The following ADGRL3 variants were observed in gnomAD, a reference collection of about 807,000 sequenced individuals.
The protein encoded by ADGRL3 is adhesion G protein-coupled receptor L3.
In ADGRL3, 62 loss-of-function variants were observed where a neutral mutation model predicts 153.5. That is an observed-to-expected ratio of 0.40 (90% CI 0.33 to 0.50). The LOEUF (loss-of-function observed/expected upper bound fraction) is 0.50, where lower values mean the gene tolerates loss of function less well. ADGRL3 is among the 20% of genes least tolerant of loss of function. The pLI is 0.47. For missense variants in ADGRL3, 1,641 were observed against 1,859.4 expected (o/e 0.88, Z 2.16); for synonymous variants, 710 against 672.5 (o/e 1.06, Z -0.86).
rs899215052 is a variant in ADGRL3, at chr4:62,073,666, A to G, written c.*2758A>G. 10 of 152,102 alleles carry G rather than the reference A, an allele frequency of 6.6e-5. No homozygotes were observed. The highest frequency in any genetic ancestry group is 2.2e-4 in the African/African-American group (9 of 41,436). 9.4% of individuals were successfully genotyped at this position (152,102 alleles called of 1,614,324 possible). ...CCCTGCCCATTATTTTTGTGTTTCT[A>G]TATGGAAATTTGAAGCAGGTAGCTT... is the stretch of plus-strand genomic sequence containing the variant. On this transcript the variant is annotated 3_prime_UTR_variant, in exon 27 of 27. Coordinates refer to ENST00000683033, the MANE Select transcript of ADGRL3 (RefSeq NM_001387552.1).
chr4:61,281,198 AAG>A (rs2093710334), intron 1 of ADGRL3, among the ~76,000 whole-genome samples: 2 of 151,984 alleles, frequency 1.3e-5, no homozygotes, highest in Admixed American at 1.3e-4. Context: ...GTTTTTTTTT[AAG>A]AGAGTAGCCA....
At chr4:61,345,184 T>C (rs911348343) in intron 1 of ADGRL3, among the ~76,000 whole-genome samples, 2 of 152,088 alleles carry the variant, frequency 1.3e-5, no homozygotes, top group Non-Finnish European at 2.9e-5. Context: ...CCAATGTTAT[T>C]AGTTATGGAT....
intron 2 of ADGRL3, among the ~76,000 whole-genome samples, chr4:61,489,314 A>G (rs898643588): frequency 6.6e-6 from 1 of 151,808 alleles, no homozygotes; most frequent in Non-Finnish European, 1.5e-5. Flanking sequence ...CTCATGACCC[A>G]GACTTTTTGA....
At position 61,285,672 on chromosome 4, in the gene ADGRL3, C is replaced by A. The variant is rs1019082357; in HGVS notation, c.-240+83907C>A. Among the ~76,000 whole-genome samples, 3 of 151,692 alleles carry A rather than the reference C, an allele frequency of 2.0e-5. No homozygotes were observed. The South Asian group carries it at 6.2e-4, about 32-fold the overall frequency. On this transcript the variant is annotated intron_variant, in intron 1 of 26. Coordinates refer to ENST00000683033, the MANE Select transcript of ADGRL3 (RefSeq NM_001387552.1). ...TGTTTAGTTAGGGGTTTAAAGGAACCCAATTTTGAACCTGGCATTATCCTA... is the reference window on the plus strand; with the variant it reads ...TGTTTAGTTAGGGGTTTAAAGGAACACAATTTTGAACCTGGCATTATCCTA...
chr4:61,295,668 G>A (rs1199071649), intron 1 of ADGRL3, among the ~76,000 whole-genome samples: 1 of 151,876 alleles, frequency 6.6e-6, no homozygotes, highest in Non-Finnish European at 1.5e-5. Context: ...TAAAAAGTAA[G>A]AGCGGGCTGG....
chr4:62,043,326 T>C (rs1729390607), intron 24 of ADGRL3, among the ~76,000 whole-genome samples: 1 of 152,068 alleles, frequency 6.6e-6, no homozygotes. Context: ...TATTTTTAAT[T>C]AATTAATTAA....
At chr4:61,785,924 G>T (rs765876506) in intron 8 of ADGRL3, among the ~76,000 whole-genome samples, 12 of 152,180 alleles carry the variant, frequency 7.9e-5, no homozygotes, top group Non-Finnish European at 1.5e-4. Flanking sequence ...TGAAGCAGGA[G>T]AATCTCTTGA....
intron 2 of ADGRL3, among the ~76,000 whole-genome samples, chr4:61,485,479 A>C (rs972424657): frequency 6.6e-6 from 1 of 152,138 alleles, no homozygotes; most frequent in Admixed American, 6.6e-5. Context: ...AAATTTTTTA[A>C]AAATGTGAAT....
At chr4:61,236,008 CTTT>C (rs55932029) in intron 1 of ADGRL3, among the ~76,000 whole-genome samples, 1 of 95,852 alleles carries the variant, frequency 1.0e-5, no homozygotes, top group African/African-American at 4.1e-5. Context: ...CTTTTCTTTT[CTTT>C]TTTTTTTTTT....
intron 1 of ADGRL3, among the ~76,000 whole-genome samples, chr4:61,233,297 CTCTTT>C (rs1168068965): frequency 6.6e-6 from 1 of 152,112 alleles, no homozygotes; most frequent in East Asian, 1.9e-4. Context: ...TCTACAGTTA[CTCTTT>C]TCTTTTTTTA....
At chr4:62,060,877 A>G (rs895203304) in intron 25 of ADGRL3, among the ~76,000 whole-genome samples, 1 of 151,946 alleles carries the variant, frequency 6.6e-6, no homozygotes, top group African/African-American at 2.4e-5. Flanking sequence ...TTAGATGTAT[A>G]TGTTTTATAT....
chr4:62,026,394 A>G (rs888694573), intron 21 of ADGRL3, among the ~76,000 whole-genome samples: 1 of 151,988 alleles, frequency 6.6e-6, no homozygotes, highest in African/African-American at 2.4e-5. Context: ...TTGTGGCCAC[A>G]TCTCTGTGGA....
intron 2 of ADGRL3, among the ~76,000 whole-genome samples, chr4:61,458,869 A>G (rs554478541): frequency 6.6e-6 from 1 of 151,504 alleles, no homozygotes; most frequent in Admixed American, 6.6e-5. Flanking sequence ...TAGGATCTCA[A>G]ATTTTCAGTT....
intron 8 of ADGRL3, among the ~76,000 whole-genome samples, chr4:61,784,040 A>G (rs915704519): frequency 3.4e-4 from 52 of 152,106 alleles, no homozygotes; most frequent in African/African-American, 1.2e-3. Flanking sequence ...ATAAAGTAAT[A>G]TGTTTATTAA....
chr4:61,620,884 C>T (rs1249390898), intron 5 of ADGRL3, among the ~76,000 whole-genome samples: 1 of 151,960 alleles, frequency 6.6e-6, no homozygotes, highest in Non-Finnish European at 1.5e-5. Flanking sequence ...CGTGATCCAC[C>T]CGCCTCTGCC....
intron 8 of ADGRL3, among the ~76,000 whole-genome samples, chr4:61,781,338 A>G (rs2097211325): frequency 6.6e-6 from 1 of 151,700 alleles, no homozygotes; most frequent in East Asian, 1.9e-4. Flanking sequence ...CTCCAAAAAA[A>G]AAAAAAAAAG....
intron 8 of ADGRL3, among the ~76,000 whole-genome samples, chr4:61,761,583 G>T (rs573852189): frequency 6.6e-6 from 1 of 152,100 alleles, no homozygotes; most frequent in East Asian, 1.9e-4. Flanking sequence ...TGCTTGAAGC[G>T]AGGATTTCAA....
intron 8 of ADGRL3, among the ~76,000 whole-genome samples, chr4:61,756,042 G>T (rs1228384893): frequency 2.6e-5 from 4 of 152,154 alleles, no homozygotes; most frequent in Admixed American, 2.6e-4. Context: ...ATAGTTTGAA[G>T]TCAGGTAGCG....
chr4:61,372,372 T>C (rs1279132105), intron 1 of ADGRL3, among the ~76,000 whole-genome samples: 1 of 152,008 alleles, frequency 6.6e-6, no homozygotes, highest in African/African-American at 2.4e-5. Context: ...TATCTACTTT[T>C]GGTCTTTGAT....
Sources: gnomAD v4.1 joint callset for allele counts (sites outside exome capture counted in the v4.1 genomes callset) on GRCh38, gnomAD v4.1.1 for gene constraint, MANE v1.5 for transcripts, NCBI Gene and HGNC (gene_info 2026-07-23, HGNC 2026-07-21) for gene names.